NDNF: variants seen among roughly 807,000 people sequenced by gnomAD.
NDNF encodes the protein neuron derived neurotrophic factor.
NDNF carries 16 observed loss-of-function variants against 42.0 expected under a neutral mutation model. The ratio of observed to expected loss-of-function variants is 0.38; its 90% CI spans 0.26 to 0.58. The LOEUF (loss-of-function observed/expected upper bound fraction) is 0.58, where lower values mean the gene tolerates loss of function less well. Ranked by LOEUF, NDNF falls within the 20% of genes least tolerant of loss-of-function variation. NDNF has a pLI of 0.67. For synonymous variants in NDNF, 248 were observed against 251.7 expected (o/e 0.99, Z 0.14); for missense variants, 616 against 666.2 (o/e 0.92, Z 0.83).
At chr4:121,037,729 TTTATC>T (rs1726904604) in intron 3 of NDNF, 72 bp from the exon 4 acceptor site, 1 of 1,089,180 alleles carries the variant, frequency 9.2e-7, no homozygotes, top group African/African-American at 1.6e-5. Context: ...AAGTTATCCT[TTTATC>T]TTATTTTTTC....
chr4:121,040,462 T>C (rs922521022), intron 2 of NDNF, among the ~76,000 whole-genome samples: 4 of 152,244 alleles, frequency 2.6e-5, no homozygotes, highest in African/African-American at 7.2e-5. Flanking sequence ...TGCCATGCTT[T>C]CCATACATTT....
intron 2 of NDNF, among the ~76,000 whole-genome samples, chr4:121,040,484 T>G (rs1726978760): frequency 6.6e-6 from 1 of 152,204 alleles, no homozygotes; most frequent in Non-Finnish European, 1.5e-5. Context: ...GTGATAAATT[T>G]GTACATTAAC....
chr4:121,065,286 C>G (rs1184802709), intron 1 of NDNF, among the ~76,000 whole-genome samples: 1 of 151,772 alleles, frequency 6.6e-6, no homozygotes, highest in Non-Finnish European at 1.5e-5. Context: ...AATAGATCTT[C>G]TGGTATTTCC....
chr4:121,048,156 T>C (rs1727127052), intron 1 of NDNF, among the ~76,000 whole-genome samples: 1 of 152,202 alleles, frequency 6.6e-6, no homozygotes, highest in South Asian at 2.1e-4. Context: ...CAAGTTTATT[T>C]CTCTTTGTAG....
chr4:121,037,245 T>C lies in NDNF; in HGVS notation c.726A>G (p.Lys242=), dbSNP rs35221177. ...SADDAFMMAP[K]PGLDFSPFDF... ...CAAAGGGGCTGAAGTCCAGACCAGG[T>C]TTCGGTGCCATCATAAAAGCATCAT... is the stretch of plus-strand genomic sequence containing the variant. The change falls in exon 4 of 4, where the codon AAA becomes AAG. Residue 242 remains lysine, a synonymous_variant. Transcript: ENST00000379692. 609 of 1,614,014 alleles carry C rather than the reference T, an allele frequency of 3.8e-4. 2 individuals carry two copies. In the African/African-American group the frequency reaches 7.1e-3, roughly 19 times the overall value.
At position 121,037,190 on chromosome 4, in the gene NDNF, T is replaced by C. The variant is rs1259499797; in HGVS notation, c.781A>G (p.Asn261Asp). The C allele has an allele frequency of 6.2e-7, 1 of 1,614,090 alleles. No homozygotes were observed. The highest frequency in any genetic ancestry group is 1.7e-5 in the Admixed American group (1 of 59,998). The change falls in exon 4 of 4, where the codon AAT (asparagine) becomes GAT (aspartate). Residue 261 changes from asparagine (N) to aspartate (D), a missense_variant. Asn to Asp is a conservative substitution (Grantham distance 23). Transcript: ENST00000379692. Reference sequence around the variant, plus strand: ...TGGAAACTGCGTTCTTTACCTGAATTATCAGAAGGAAATCCAAAGTGGGCA... The same window carrying C: ...TGGAAACTGCGTTCTTTACCTGAATCATCAGAAGGAAATCCAAAGTGGGCA... ...DFAHFGFPSD[N>D]SGKERSFQAK... is the part of the protein sequence containing the mutation.
chr4:121,069,705 CTG>C (rs936637273), intron 1 of NDNF, among the ~76,000 whole-genome samples: 24 of 152,268 alleles, frequency 1.6e-4, no homozygotes, highest in African/African-American at 5.1e-4. Context: ...AAGTGATGAA[CTG>C]TGCAGAGAAG....
chr4:121,054,259 A>G lies in NDNF; in HGVS notation c.-1-8421T>C, dbSNP rs116212629. On this transcript the variant is annotated intron_variant, in intron 1 of 3. Coordinates refer to ENST00000379692, the MANE Select transcript of NDNF (RefSeq NM_024574.4). ...GAAAAAATATGTATCTTAGGAACTTAGAATCTATTTATGGGGCAAAATGTA... is the reference window on the plus strand; with the variant it reads ...GAAAAAATATGTATCTTAGGAACTTGGAATCTATTTATGGGGCAAAATGTA... 6.5e-3 allele frequency among the ~76,000 whole-genome samples: 994 copies of G among 152,338 alleles called. 14 individuals are homozygous for G. Among genetic ancestry groups the G allele is most frequent in the African/African-American group, 0.023 (941 of 41,576 alleles).
At chr4:121,052,466 A>G (rs1040693688) in intron 1 of NDNF, among the ~76,000 whole-genome samples, 3 of 152,232 alleles carry the variant, frequency 2.0e-5, no homozygotes, top group Non-Finnish European at 4.4e-5. Context: ...GGTCTGCCAC[A>G]GAGATTTCTG....
intron 3 of NDNF, chr4:121,038,797 G>A (rs1726925448): frequency 6.6e-6 from 1 of 151,894 alleles, no homozygotes; most frequent in Non-Finnish European, 1.5e-5. Context: ...GACCGGCCTA[G>A]GCAAAATAGT....
intron 2 of NDNF, among the ~76,000 whole-genome samples, chr4:121,041,557 G>A (rs759097724): frequency 6.6e-6 from 1 of 152,078 alleles, no homozygotes; most frequent in African/African-American, 2.4e-5. Context: ...ATACAATTAA[G>A]GAATTTTTCC....
chr4:121,046,218 T>G (rs1727089632), intron 1 of NDNF, among the ~76,000 whole-genome samples: 1 of 152,196 alleles, frequency 6.6e-6, no homozygotes, highest in African/African-American at 2.4e-5. Flanking sequence ...TAAGGTCAGT[T>G]TTTTGAACTA....
chr4:121,050,165 G>T (rs1579314992), intron 1 of NDNF, among the ~76,000 whole-genome samples: 1 of 152,126 alleles, frequency 6.6e-6, no homozygotes, highest in African/African-American at 2.4e-5. Flanking sequence ...TATTTAAATG[G>T]TGGTTTTAAG....
chr4:121,059,747 C>T (rs529650341), intron 1 of NDNF, among the ~76,000 whole-genome samples: 66 of 152,290 alleles, frequency 4.3e-4, no homozygotes, highest in Non-Finnish European at 7.6e-4. Context: ...AATCTTTATG[C>T]GCACAGAAAT....
intron 2 of NDNF, 51 bp downstream of exon 2, chr4:121,045,599 G>T: frequency 6.8e-7 from 1 of 1,474,022 alleles, no homozygotes; most frequent in Admixed American, 1.8e-5. Flanking sequence ...CTCTTTTTTG[G>T]AGGCATCCTT....
At chr4:121,049,599 G>C (rs1252097042) in intron 1 of NDNF, among the ~76,000 whole-genome samples, 2 of 152,132 alleles carry the variant, frequency 1.3e-5, no homozygotes, top group African/African-American at 4.8e-5. Context: ...TTATTAGCTT[G>C]CAAGTGGGCT....
At chr4:121,040,140 A>ATTT in intron 2 of NDNF, 86 bp from the exon 3 acceptor site, 5 of 1,121,752 alleles carry the variant, frequency 4.5e-6, no homozygotes, top group Non-Finnish European at 6.3e-6. Context: ...TTTGGTTTTA[A>ATTT]TTTTTTTTTC....
At chr4:121,048,257 CT>C (rs1727128868) in intron 1 of NDNF, among the ~76,000 whole-genome samples, 2 of 152,212 alleles carry the variant, frequency 1.3e-5, no homozygotes, top group African/African-American at 4.8e-5. Flanking sequence ...GCTTTCTGTA[CT>C]TGTTAGAAAT....
At chr4:121,059,110 C>T (rs922632367) in intron 1 of NDNF, among the ~76,000 whole-genome samples, 1 of 152,160 alleles carries the variant, frequency 6.6e-6, no homozygotes, top group African/African-American at 2.4e-5. Context: ...AAGACTCAGT[C>T]CTCAACAATG....
Sources: gnomAD v4.1 joint callset for allele counts (sites outside exome capture counted in the v4.1 genomes callset) on GRCh38, gnomAD v4.1.1 for gene constraint, MANE v1.5 for transcripts, NCBI Gene and HGNC (gene_info 2026-07-23, HGNC 2026-07-21) for gene names.